The following NALCN variants were observed in gnomAD, a reference collection of about 807,000 sequenced individuals.
The protein encoded by NALCN is sodium leak channel NALCN.
In NALCN, 111 loss-of-function variants were observed where a neutral mutation model predicts 225.3. The ratio of observed to expected loss-of-function variants is 0.49; its 90% confidence interval spans 0.42 to 0.58. The LOEUF (loss-of-function observed/expected upper bound fraction) is 0.58, where lower values mean the gene tolerates loss of function less well. Ranked by LOEUF, NALCN falls within the 20% of genes least tolerant of loss-of-function variation. The pLI, the probability that NALCN is intolerant of heterozygous loss-of-function variation, is 0.00. For synonymous variants in NALCN, 764 were observed against 769.0 expected (o/e 0.99, Z 0.11); for missense variants, 1,378 against 2,202.4 (o/e 0.63, Z 7.49).
chr13:101,331,709 G>A (rs1049745109), intron 7 of NALCN, among the ~76,000 whole-genome samples: 9 of 152,120 alleles, frequency 5.9e-5, no homozygotes, highest in East Asian at 1.9e-4. Flanking sequence ...CCAGGCATCC[G>A]GGGATGCCTG....
At chr13:101,085,874 A>AATCAATACT (rs1941842264) in intron 30 of NALCN, among the ~76,000 whole-genome samples, 1 of 152,158 alleles carries the variant, frequency 6.6e-6, no homozygotes, top group Admixed American at 6.5e-5. Flanking sequence ...ACATCAATAC[A>AATCAATACT]ATCAATACTC....
chr13:101,272,716 C>T (rs990915780), intron 10 of NALCN, among the ~76,000 whole-genome samples: 2 of 152,082 alleles, frequency 1.3e-5, no homozygotes, highest in Admixed American at 6.6e-5. Context: ...GCAGGGAAAA[C>T]CTAGTTTCTT....
At chr13:101,401,378 AC>A in intron 1 of NALCN, among the ~76,000 whole-genome samples, 1 of 152,030 alleles carries the variant, frequency 6.6e-6, no homozygotes. Flanking sequence ...TCTCCTATCC[AC>A]CCAAATACTG....
intron 7 of NALCN, among the ~76,000 whole-genome samples, chr13:101,299,410 C>T (rs148922726): frequency 1.3e-5 from 2 of 151,916 alleles, no homozygotes; most frequent in Non-Finnish European, 2.9e-5. Flanking sequence ...CCAAGACAAA[C>T]CACACACAGG....
At chr13:101,176,520 A>C (rs906544959) in intron 14 of NALCN, 146 bp from the exon 15 acceptor site, 4 of 425,240 alleles carry the variant, frequency 9.4e-6, no homozygotes, top group Non-Finnish European at 1.6e-5. Flanking sequence ...TTGCATAGGC[A>C]TTTCAAGGTA....
chr13:101,371,206 T>A (rs2046528923), intron 6 of NALCN, among the ~76,000 whole-genome samples: 1 of 152,224 alleles, frequency 6.6e-6, no homozygotes, highest in Non-Finnish European at 1.5e-5. Flanking sequence ...AAAGTTGCTG[T>A]GGGCATTCAT....
At chr13:101,202,824 C>G (rs557745136) in intron 13 of NALCN, among the ~76,000 whole-genome samples, 1 of 152,180 alleles carries the variant, frequency 6.6e-6, no homozygotes, top group Non-Finnish European at 1.5e-5. Context: ...AAAGAGATCA[C>G]CTTTCTAGAA....
At chr13:101,396,912 T>C (rs1336179765) in intron 2 of NALCN, among the ~76,000 whole-genome samples, 1 of 151,494 alleles carries the variant, frequency 6.6e-6, no homozygotes, top group African/African-American at 2.4e-5. Flanking sequence ...TAAGAAAAAG[T>C]TAGGGGTGCT....
Position 101,089,578 on chromosome 13 carries a change from C to T in NALCN, c.3489+85G>A, listed in dbSNP as rs2034111489. The T allele has an allele frequency of 4.9e-6, 6 of 1,215,140 alleles. No homozygotes were observed. The highest frequency in any genetic ancestry group is 4.0e-5 in the Admixed American group (2 of 50,010). The allele number at this position is 1,215,140 out of a possible 1,614,324, so 75.3% of individuals were successfully genotyped here. A position where few individuals can be genotyped will look rare whatever the true frequency, so the allele number is the denominator to read the frequency against. On this transcript the variant is annotated intron_variant, in intron 30 of 43. Coordinates refer to ENST00000251127, the MANE Select transcript of NALCN (RefSeq NM_052867.4). This position sits in a 1 kb window ranked among gnomAD's most constrained non-coding sequence, Gnocchi z 4.7. Reference sequence around the variant, plus strand: ...CACATTACAGTTTAAAGCGGCTTCACGCCGCGTGTGAAAAGAAACAAATAG... The same window carrying T: ...CACATTACAGTTTAAAGCGGCTTCATGCCGCGTGTGAAAAGAAACAAATAG...
chr13:101,344,981 A>G lies in NALCN; in HGVS notation c.799+285T>C, dbSNP rs72654869. The stretch of plus-strand genomic sequence containing the variant: ...CAACCCAGAACCCTGTTCAACAAAC[A>G]AATATTTTTAAATGCTTAAATGCTG... On this transcript the variant is annotated intron_variant, in intron 7 of 43. Coordinates refer to ENST00000251127, the MANE Select transcript of NALCN (RefSeq NM_052867.4). Among the ~76,000 whole-genome samples the G allele has an allele frequency of 0.02, 3,107 of 152,280 alleles. 45 individuals are homozygous for G. The highest frequency in any genetic ancestry group is 0.042 in the South Asian group (205 of 4,832).
chr13:101,094,811 T>C (rs989069443), intron 28 of NALCN, among the ~76,000 whole-genome samples: 3 of 152,260 alleles, frequency 2.0e-5, no homozygotes, highest in Admixed American at 2.0e-4. Context: ...TTTAAAGAGT[T>C]TTGACATTTA....
intron 3 of NALCN, among the ~76,000 whole-genome samples, chr13:101,390,122 A>T (rs1487456349): frequency 6.6e-6 from 1 of 152,118 alleles, no homozygotes; most frequent in Admixed American, 6.5e-5. Flanking sequence ...ACATAAACGT[A>T]TAAACAGAAA....
At chr13:101,068,923 T>C (rs368330280) in intron 37 of NALCN, 96 bp from the exon 38 acceptor site, 246 of 1,282,954 alleles carry the variant, frequency 1.9e-4, no homozygotes, top group Admixed American at 1.8e-3. Flanking sequence ...CCTAAACATA[T>C]AGCATATAAT....
At chr13:101,298,665 G>C (rs1162440246) in intron 7 of NALCN, among the ~76,000 whole-genome samples, 1 of 152,222 alleles carries the variant, frequency 6.6e-6, no homozygotes, top group Non-Finnish European at 1.5e-5. Flanking sequence ...TAGTTTAAGA[G>C]AGAACTTGCT....
intron 36 of NALCN, 40 bp from the exon 37 acceptor site, chr13:101,073,717 G>A (rs774571623): frequency 6.5e-7 from 1 of 1,543,628 alleles, no homozygotes; most frequent in Non-Finnish European, 8.9e-7. Context: ...GTGAATTATA[G>A]AAGGGTTTGT....
chr13:101,161,815 T>C (rs1442701199), intron 15 of NALCN, among the ~76,000 whole-genome samples: 1 of 152,188 alleles, frequency 6.6e-6, no homozygotes, highest in Non-Finnish European at 1.5e-5. Flanking sequence ...GAGGTTGCAG[T>C]GAGCCAAGAC....
At chr13:101,334,364 A>G (rs60065514) in intron 7 of NALCN, among the ~76,000 whole-genome samples, 45,844 of 131,502 alleles carry the variant, frequency 0.35, 9,244 homozygotes, top group African/African-American at 0.55. Context: ...AGATGGGGGT[A>G]GGGGGAGCGG....
At chr13:101,131,522 C>T (rs922473134) in intron 17 of NALCN, among the ~76,000 whole-genome samples, 5 of 152,094 alleles carry the variant, frequency 3.3e-5, no homozygotes, top group African/African-American at 9.7e-5. Context: ...AATCCTCCTC[C>T]CCCCACAAAT....
intron 1 of NALCN, among the ~76,000 whole-genome samples, chr13:101,415,208 C>CACATATATATATATATAT (rs1555349509): frequency 1.6e-4 from 17 of 107,808 alleles, no homozygotes; most frequent in African/African-American, 6.7e-4. Context: ...AAATCACACA[C>CACATATATATATATATAT]ATATATATAT....
Sources: gnomAD v4.1 joint callset for allele counts (sites outside exome capture counted in the v4.1 genomes callset) on GRCh38, gnomAD v4.1.1 for gene constraint, Gnocchi (gnomAD v3.1) non-coding constraint, MANE v1.5 for transcripts, NCBI Gene and HGNC (gene_info 2026-07-23, HGNC 2026-07-21) for gene names.